The following IGF2BP1 variants were observed in gnomAD, a reference collection of about 807,000 sequenced individuals.
IGF2BP1 encodes insulin like growth factor 2 mRNA binding protein 1.
A neutral mutation model predicts 74.9 loss-of-function variants in IGF2BP1; 11 were observed. The observed-to-expected ratio is 0.15, with a 90% CI of 0.09 to 0.24. IGF2BP1 has a LOEUF of 0.24. IGF2BP1 is among the 10% of genes least tolerant of loss of function. The probability of loss-of-function intolerance (pLI) is 1.00; values close to 1 mark genes in which losing one functional copy is unlikely to be tolerated. For synonymous variants in IGF2BP1, 287 were observed against 281.8 expected (o/e 1.02, Z -0.18); for missense variants, 440 against 757.4 (o/e 0.58, Z 4.92).
chr17:49,019,025 G>A (rs987910734), intron 2 of IGF2BP1, among the ~76,000 whole-genome samples: 1 of 152,118 alleles, frequency 6.6e-6, no homozygotes, highest in Non-Finnish European at 1.5e-5. Flanking sequence ...CTCCCACCTT[G>A]CCCTCCTCCC....
chr17:49,036,543 C>T (rs2041991022), intron 5 of IGF2BP1: 1 of 151,978 alleles, frequency 6.6e-6, no homozygotes, highest in Non-Finnish European at 1.5e-5. Context: ...TTTTTGTGCA[C>T]CAGCAGCTCA....
At chr17:49,044,182 G>A in intron 11 of IGF2BP1, 96 bp downstream of exon 11, 1 of 1,489,158 alleles carries the variant, frequency 6.7e-7, no homozygotes, top group Non-Finnish European at 9.0e-7. Flanking sequence ...ACTCATTTGA[G>A]AATTCTGTGT....
intron 10 of IGF2BP1, 63 bp downstream of exon 10, chr17:49,043,613 C>A (rs2042077317): frequency 1.3e-6 from 2 of 1,571,008 alleles, no homozygotes; most frequent in African/African-American, 2.7e-5. Context: ...TTAAGGGGGA[C>A]TCAGCATGCT....
intron 5 of IGF2BP1, among the ~76,000 whole-genome samples, chr17:49,032,891 C>A (rs2041941575): frequency 1.3e-5 from 2 of 152,100 alleles, no homozygotes; most frequent in South Asian, 2.1e-4. Context: ...TATCTGCTCA[C>A]TGCAACCTCA....
chr17:48,999,420 G>C (rs948239275), intron 2 of IGF2BP1, among the ~76,000 whole-genome samples: 3 of 152,112 alleles, frequency 2.0e-5, no homozygotes, highest in Non-Finnish European at 2.9e-5. Context: ...GAATTAAAGG[G>C]GAAAGAAAAT....
In IGF2BP1 at chr17:49,026,531, G is replaced by T; in HGVS notation, c.337+14G>T. ...ACTGTGAGCAAGGTAAGAGTGGGCC[G>T]GGTGTGGGGTGGCACTCGTGGTGGG... On this transcript the variant is annotated intron_variant, in intron 4 of 14. Coordinates refer to ENST00000290341, the MANE Select transcript of IGF2BP1 (RefSeq NM_006546.4). The T allele has an allele frequency of 1.2e-6, 2 of 1,612,890 alleles. No homozygotes were observed. The highest frequency in any genetic ancestry group is 3.3e-5 in the Admixed American group (2 of 60,014).
chr17:49,015,080 A>G (rs544951338), intron 2 of IGF2BP1: 61 of 260,664 alleles, frequency 2.3e-4, no homozygotes, highest in East Asian at 1.6e-3. Context: ...TCTCGGCTCA[A>G]TGCAACCTCA....
intron 7 of IGF2BP1, among the ~76,000 whole-genome samples, chr17:49,040,425 C>T (rs184949954): frequency 4.6e-4 from 70 of 152,284 alleles, no homozygotes; most frequent in Middle Eastern, 3.4e-3. Context: ...CCATGTTACC[C>T]AGGCTGGTCT....
rs771567938 is a variant in IGF2BP1 at position 49,032,002 on chromosome 17, G to A, written c.401+29G>A. 4.5e-6 allele frequency: 7 copies of A among 1,545,550 alleles called. No homozygotes were observed. In the African/African-American group the frequency reaches 8.9e-5, roughly 20 times the overall value. On this transcript the variant is annotated intron_variant, in intron 5 of 14. Coordinates refer to ENST00000290341, the MANE Select transcript of IGF2BP1 (RefSeq NM_006546.4). The stretch of plus-strand genomic sequence containing the variant: ...AGTGGGCTGGGAAGTGGGGCTGGGT[G>A]CGGTGGGGGGGGGTTCTGTGAAGGG...
intron 2 of IGF2BP1, among the ~76,000 whole-genome samples, chr17:49,015,683 C>T (rs1397862584): frequency 6.6e-6 from 1 of 152,208 alleles, no homozygotes; most frequent in East Asian, 1.9e-4. Context: ...CTTTGGGAGC[C>T]ACTCAAGGTC....
At chr17:49,018,757 C>A (rs887895775) in intron 2 of IGF2BP1, among the ~76,000 whole-genome samples, 7 of 152,062 alleles carry the variant, frequency 4.6e-5, no homozygotes, top group African/African-American at 1.7e-4. Context: ...CAGGGTTGAT[C>A]CCTGTCTGGG....
chr17:49,019,955 T>TATATATATATATAC (rs2041767170), intron 2 of IGF2BP1, among the ~76,000 whole-genome samples: 1 of 78,464 alleles, frequency 1.3e-5, no homozygotes, highest in Non-Finnish European at 2.3e-5. Context: ...TATATTTATA[T>TATATATATATATAC]ACACACACAC....
intron 5 of IGF2BP1, 126 bp from the exon 6 acceptor site, chr17:49,038,042 C>T (rs921924016): frequency 1.3e-6 from 1 of 767,198 alleles, no homozygotes; most frequent in Non-Finnish European, 1.9e-6. Context: ...AGGTAGTGGG[C>T]AGGTGACTAT....
At chr17:49,003,079 T>C (rs2041505142) in intron 2 of IGF2BP1, among the ~76,000 whole-genome samples, 1 of 152,230 alleles carries the variant, frequency 6.6e-6, no homozygotes, top group East Asian at 1.9e-4. Context: ...GTCCCATCAC[T>C]AATTTATTCA....
At chr17:49,049,330 C>T (rs776317732) in intron 14 of IGF2BP1, 22 bp from the exon 15 acceptor site, 2 of 1,612,038 alleles carry the variant, frequency 1.2e-6, no homozygotes, top group Non-Finnish European at 1.7e-6. Flanking sequence ...CACACCCACT[C>T]TCTTGCCTGT....
chr17:49,028,862 C>T (rs893301425), intron 4 of IGF2BP1, among the ~76,000 whole-genome samples: 1 of 152,114 alleles, frequency 6.6e-6, no homozygotes, highest in Non-Finnish European at 1.5e-5. Context: ...GGCTGGAGTG[C>T]AGTGGTGCGA....
At position 49,032,497 on chromosome 17, in the gene IGF2BP1, TTTGA is replaced by T. The variant is rs1284967352; in HGVS notation, c.401+529_401+532del. Among the ~76,000 whole-genome samples the T allele has an allele frequency of 9.2e-5, 14 of 152,336 alleles. No individual in the cohort carries two copies. In the South Asian group the frequency reaches 1.4e-3, roughly 16 times the overall value. ...CACCCACAATTTTAGCTCCTAGCCC[TTTGA>T]TTGAGCAATTATGCGTCTCACTCAC... On this transcript the variant is annotated intron_variant, in intron 5 of 14. Transcript: ENST00000290341.
intron 2 of IGF2BP1, among the ~76,000 whole-genome samples, chr17:49,005,363 G>A (rs935129885): frequency 6.6e-6 from 1 of 152,236 alleles, no homozygotes; most frequent in African/African-American, 2.4e-5. Context: ...GTTCCCAGGA[G>A]CATGGCTGGT....
chr17:49,010,313 C>CTTTT (rs397857828), intron 2 of IGF2BP1, among the ~76,000 whole-genome samples: 34 of 105,614 alleles, frequency 3.2e-4, no homozygotes, highest in East Asian at 5.0e-4. Flanking sequence ...TGGTGGTCAT[C>CTTTT]TTTTTTTTTT....
Sources: allele counts gnomAD v4.1 joint callset (sites outside exome capture counted in the v4.1 genomes callset), GRCh38; gene constraint gnomAD v4.1.1; transcripts MANE v1.5; gene names NCBI Gene and HGNC (gene_info 2026-07-23, HGNC 2026-07-21).